The following LINGO2 variants were observed in gnomAD, a reference collection of about 807,000 sequenced individuals.
LINGO2 encodes the protein leucine rich repeat and Ig domain containing 2, also known as leucine-rich repeat and immunoglobulin-like domain-containing nogo receptor-interacting protein 2.
LINGO2 carries 14 observed loss-of-function variants against 30.6 expected under a neutral mutation model. The observed-to-expected ratio is 0.46, with a 90% CI of 0.30 to 0.72. LINGO2 has a LOEUF of 0.72. Ranked by LOEUF, LINGO2 falls within the 30% of genes least tolerant of loss-of-function variation. LINGO2 has a pLI of 0.07. For synonymous variants in LINGO2, 317 were observed against 288.5 expected, an observed-to-expected ratio of 1.10 and a Z score of -1.00; for missense variants, 729 against 751.7, an observed-to-expected ratio of 0.97 and a Z score of 0.35.
intron 4 of LINGO2, among the ~76,000 whole-genome samples, chr9:28,026,696 T>TCC (rs1195010316): frequency 6.6e-6 from 1 of 152,214 alleles, no homozygotes; most frequent in Non-Finnish European, 1.5e-5. Flanking sequence ...TTTTGAGGTA[T>TCC]CCCCTCCGTT....
intron 3 of LINGO2, among the ~76,000 whole-genome samples, chr9:28,311,640 G>A (rs1824625069): frequency 6.6e-6 from 1 of 152,128 alleles, no homozygotes; most frequent in Non-Finnish European, 1.5e-5. Flanking sequence ...CTGGCTCACT[G>A]GCAGTCAGAG....
At chr9:28,575,762 A>C (rs1216043587) in intron 1 of LINGO2, among the ~76,000 whole-genome samples, 5 of 152,184 alleles carry the variant, frequency 3.3e-5, no homozygotes, top group African/African-American at 1.2e-4. Context: ...GATAGATAAG[A>C]TAGGAAACTA....
At position 27,966,876 on chromosome 9, in the gene LINGO2, C is replaced by G. The variant is rs551174778; in HGVS notation, c.-35-16170G>C. On this transcript the variant is annotated intron_variant, in intron 5 of 5. Coordinates refer to ENST00000379992, the Ensembl canonical transcript of LINGO2. ...CGTGTGCCTACGGAGAACAACTACC[C>G]CTCCTTCATAAGGTTATTAAATTTT... Among the ~76,000 whole-genome samples the G allele has an allele frequency of 1.1e-4, 17 of 152,250 alleles. No homozygotes were observed. In the East Asian group the frequency reaches 3.3e-3, roughly 29 times the overall value.
intron 4 of LINGO2, among the ~76,000 whole-genome samples, chr9:28,250,023 A>G (rs1168750225): frequency 6.6e-6 from 1 of 152,144 alleles, no homozygotes; most frequent in Non-Finnish European, 1.5e-5. Context: ...TCAGACATGA[A>G]AAACCTGTTT....
the LINGO2 span, among the ~76,000 whole-genome samples, chr9:29,181,531 T>C: frequency 6.6e-6 from 1 of 152,182 alleles, no homozygotes; most frequent in South Asian, 2.1e-4. Flanking sequence ...TACAGTTTTC[T>C]TAGCTTCCAT....
chr9:28,691,150 G>T, the LINGO2 span, among the ~76,000 whole-genome samples: 1 of 152,142 alleles, frequency 6.6e-6, no homozygotes, highest in Non-Finnish European at 1.5e-5. Context: ...TAAACCAAAA[G>T]AATTATTCTC....
chr9:27,942,650 T>G, the LINGO2 span: 3 of 152,138 alleles, frequency 2.0e-5, no homozygotes, highest in Non-Finnish European at 2.9e-5. Flanking sequence ...TTATTAACTT[T>G]CAATCATGGG....
At chr9:28,561,720 GTATTATATATAAT>G (rs1315854163) in intron 1 of LINGO2, among the ~76,000 whole-genome samples, 20 of 70,766 alleles carry the variant, frequency 2.8e-4, no homozygotes, top group Non-Finnish European at 3.9e-4. Context: ...ATATATAAAT[GTATTATATATAAT>G]TTTGTGTGTG....
At chr9:28,455,028 T>C (rs16913126) in intron 2 of LINGO2, among the ~76,000 whole-genome samples, 3,708 of 152,162 alleles carry the variant, frequency 0.024, 143 homozygotes, top group African/African-American at 0.082. Flanking sequence ...TTGTTATTCT[T>C]ATCAATATTT....
intron 2 of LINGO2, among the ~76,000 whole-genome samples, chr9:28,427,133 C>T (rs1224980574): frequency 1.3e-5 from 2 of 152,022 alleles, no homozygotes; most frequent in African/African-American, 2.4e-5. Context: ...TTAAAAACCG[C>T]ACATGAGCAC....
intron 4 of LINGO2, among the ~76,000 whole-genome samples, chr9:28,013,436 T>C (rs1243796123): frequency 1.3e-5 from 2 of 152,212 alleles, no homozygotes; most frequent in Non-Finnish European, 2.9e-5. Flanking sequence ...GATGTTAAAC[T>C]AGTGTGGTCT....
At chr9:28,546,724 G>C (rs747590270) in intron 1 of LINGO2, among the ~76,000 whole-genome samples, 2 of 152,012 alleles carry the variant, frequency 1.3e-5, no homozygotes, top group Non-Finnish European at 2.9e-5. Context: ...GGAGAAAGAA[G>C]GGCAAGAGAA....
intron 1 of LINGO2, among the ~76,000 whole-genome samples, chr9:28,488,611 G>A (rs1457995164): frequency 5.3e-5 from 8 of 152,218 alleles, no homozygotes; most frequent in Middle Eastern, 3.4e-3. Flanking sequence ...GAAAACAACA[G>A]CACATATTTC....
intron 4 of LINGO2, among the ~76,000 whole-genome samples, chr9:28,177,259 G>T (rs1828775734): frequency 6.6e-6 from 1 of 152,162 alleles, no homozygotes; most frequent in Non-Finnish European, 1.5e-5. Context: ...AAATATGCTA[G>T]AAAGCTTTAG....
At chr9:28,229,327 A>G (rs1451474554) in intron 4 of LINGO2, among the ~76,000 whole-genome samples, 1 of 151,840 alleles carries the variant, frequency 6.6e-6, no homozygotes, top group African/African-American at 2.4e-5. Context: ...GGCTGTGACA[A>G]TAATATATGT....
At chr9:28,357,315 G>GACC (rs796282898) in intron 3 of LINGO2, among the ~76,000 whole-genome samples, 3 of 66,054 alleles carry the variant, frequency 4.5e-5, no homozygotes, top group East Asian at 4.0e-4. Flanking sequence ...CAGAAATAAA[G>GACC]CCCACCCCCC....
At chr9:28,815,102 C>G in the LINGO2 span, among the ~76,000 whole-genome samples, 2 of 152,114 alleles carry the variant, frequency 1.3e-5, no homozygotes, top group Admixed American at 6.5e-5. Flanking sequence ...ACTGAACTAG[C>G]AAATTTATTC....
chr9:28,555,565 G>A (rs1353112663), intron 1 of LINGO2, among the ~76,000 whole-genome samples: 5 of 151,958 alleles, frequency 3.3e-5, no homozygotes, highest in African/African-American at 9.7e-5. Context: ...TTCTACCAGA[G>A]GTACAAGGAG....
At chr9:28,164,053 T>G (rs1828360453) in intron 4 of LINGO2, among the ~76,000 whole-genome samples, 1 of 152,196 alleles carries the variant, frequency 6.6e-6, no homozygotes, top group Admixed American at 6.6e-5. Context: ...AAATTTTCTC[T>G]AAATATTGGA....
Sources: allele counts gnomAD v4.1 joint callset (sites outside exome capture counted in the v4.1 genomes callset), GRCh38; gene constraint gnomAD v4.1.1; transcripts MANE v1.5; gene names NCBI Gene and HGNC (gene_info 2026-07-23, HGNC 2026-07-21).